Variants in STON2 observed in about 807,000 individuals in gnomAD.
STON2 encodes the protein stonin-2.
In STON2, 29 loss-of-function variants were observed where a neutral mutation model predicts 65.7. The ratio of observed to expected loss-of-function variants is 0.44; its 90% CI spans 0.33 to 0.60. STON2 has a LOEUF of 0.60. STON2 is among the 20% of genes least tolerant of loss of function. The pLI, the probability that STON2 is intolerant of heterozygous loss-of-function variation, is 0.03. For missense variants in STON2, 1,054 were observed against 1,118.1 expected (o/e 0.94, Z 0.82); for synonymous variants, 404 against 414.2 (o/e 0.98, Z 0.30).
chr14:81,281,022 AAAAAGAAAAG>A (rs1218081536), intron 5 of STON2, among the ~76,000 whole-genome samples: 1 of 151,828 alleles, frequency 6.6e-6, no homozygotes, highest in Admixed American at 6.5e-5. Context: ...AAAAAAAAAA[AAAAAGAAAAG>A]AAAAGAAAAT....
chr14:81,347,994 A>T (rs530778592), intron 4 of STON2, among the ~76,000 whole-genome samples: 4 of 151,976 alleles, frequency 2.6e-5, no homozygotes, highest in African/African-American at 7.2e-5. Context: ...AAATATATAC[A>T]TCACATCCAC....
intron 4 of STON2, among the ~76,000 whole-genome samples, chr14:81,329,079 A>G (rs768718161): frequency 3.9e-5 from 6 of 152,202 alleles, no homozygotes; most frequent in Non-Finnish European, 8.8e-5. Flanking sequence ...ATTTGGAAAT[A>G]GGGTGTTTAC....
At chr14:81,377,412 C>G (rs1899304842) in intron 3 of STON2, among the ~76,000 whole-genome samples, 1 of 152,144 alleles carries the variant, frequency 6.6e-6, no homozygotes, top group South Asian at 2.1e-4. Flanking sequence ...CCTTCTTTCT[C>G]CATCAAAGGA....
At chr14:81,430,340 C>A (rs937855084) in intron 1 of STON2, among the ~76,000 whole-genome samples, 1 of 152,238 alleles carries the variant, frequency 6.6e-6, no homozygotes, top group African/African-American at 2.4e-5. Context: ...TAATACTTCT[C>A]TGAATTCCTC....
rs1839510700 is a variant in STON2, at chr14:81,277,029, G to A, written c.2453C>T (p.Ala818Val). ...KSLKAKVNRG[A>V]SFGSTSVSGS... ...AGAAACACTAGTGGAGCCAAAACTTGCCCCCCGGTTCACTTTGGCTTTCAA... is the reference window on the plus strand; with the variant it reads ...AGAAACACTAGTGGAGCCAAAACTTACCCCCCGGTTCACTTTGGCTTTCAA... The change falls in exon 6 of 8, where the codon GCA (alanine) becomes GTA (valine). Residue 818 changes from alanine (A) to valine (V), a missense_variant. Physicochemically the swap from Ala to Val is moderately conservative, Grantham distance 64. Transcript: ENST00000614646. 2 of 1,614,142 alleles carry A rather than the reference G, an allele frequency of 1.2e-6. No homozygotes were observed. The highest frequency in any genetic ancestry group is 1.7e-6 in the Non-Finnish European group (2 of 1,180,026).
chr14:81,422,739 T>G, intron 2 of STON2, among the ~76,000 whole-genome samples: 1 of 152,062 alleles, frequency 6.6e-6, no homozygotes, highest in East Asian at 1.9e-4. Flanking sequence ...CACCTAGTAT[T>G]TCTAGACTTC....
At position 81,262,438 on chromosome 14, in the gene STON2, T is replaced by C. The variant is rs557090192; in HGVS notation, c.*5976A>G. ...TCCTGCCATCTATCCCTTTTTACTA[T>C]GCAATCTTTATTTTTCCTGGAGCTT... On this transcript the variant is annotated 3_prime_UTR_variant, in exon 8 of 8. Coordinates refer to ENST00000614646, the MANE Select transcript of STON2 (RefSeq NM_001394390.1). 3.3e-4 allele frequency: 316 copies of C among 945,734 alleles called. 4 individuals are homozygous for C. The South Asian group carries it at 0.013, about 40-fold the overall frequency. 58.6% of individuals were successfully genotyped at this position (945,734 alleles called of 1,614,324 possible). A position where few individuals can be genotyped will look rare whatever the true frequency, so the allele number is the denominator to read the frequency against.
chr14:81,290,725 C>T (rs1387592861), intron 5 of STON2, among the ~76,000 whole-genome samples: 1 of 152,126 alleles, frequency 6.6e-6, no homozygotes, highest in Non-Finnish European at 1.5e-5. Context: ...ACACTGACAA[C>T]AAAATAACCA....
rs1208466134 is a variant in STON2 at position 81,334,732 on chromosome 14, G to C, written c.572-10545C>G. Among the ~76,000 whole-genome samples, 7 of 152,294 alleles carry C rather than the reference G, an allele frequency of 4.6e-5. No homozygotes were observed. In the East Asian group the frequency reaches 1.4e-3, roughly 29 times the overall value. On this transcript the variant is annotated intron_variant, in intron 4 of 7. Transcript: ENST00000614646. ...TCCCAAGGCAGAAATAGGGCAGAAGGGTGACTGGGAAAGAGCAAGACAGGG... is the reference window on the plus strand; with the variant it reads ...TCCCAAGGCAGAAATAGGGCAGAAGCGTGACTGGGAAAGAGCAAGACAGGG...
chr14:81,273,523 G>C (rs1894680520), intron 6 of STON2, among the ~76,000 whole-genome samples: 1 of 152,206 alleles, frequency 6.6e-6, no homozygotes, highest in Non-Finnish European at 1.5e-5. Flanking sequence ...AGCAGGACTT[G>C]TTTCGGTGCC....
chr14:81,430,714 T>C (rs916252424), intron 1 of STON2, among the ~76,000 whole-genome samples: 6 of 152,214 alleles, frequency 3.9e-5, no homozygotes, highest in African/African-American at 1.4e-4. Context: ...CTGAAAGTGC[T>C]AGAGATGTGA....
At position 81,278,593 on chromosome 14, in the gene STON2, C is replaced by T; in HGVS notation, c.889G>A (p.Val297Ile). 3 of 1,602,692 alleles carry T rather than the reference C, an allele frequency of 1.9e-6. No individual in the cohort carries two copies. The highest frequency in any genetic ancestry group is 2.3e-5 in the South Asian group (2 of 88,846). ...GTGACTGGTGGTAAAGGGCAGCTGA[C>T]TTCATTGTCATCAAAGGTGACCCAG... is the stretch of plus-strand genomic sequence containing the variant. ...PSWVTFDDNE[V>I]SCPLPPVTSP... Residue 297 changes from valine to isoleucine, a missense_variant, in exon 6 of 8, where the codon GTC (valine) becomes ATC (isoleucine). Coordinates refer to ENST00000614646, the MANE Select transcript of STON2 (RefSeq NM_001394390.1).
At chr14:81,428,915 T>G (rs1902110956) in intron 1 of STON2, among the ~76,000 whole-genome samples, 1 of 152,198 alleles carries the variant, frequency 6.6e-6, no homozygotes, top group South Asian at 2.1e-4. Context: ...AAAGTTCAGG[T>G]AGATAGAAAG....
At chr14:81,294,872 G>A (rs1307428915) in intron 5 of STON2, among the ~76,000 whole-genome samples, 2 of 152,210 alleles carry the variant, frequency 1.3e-5, no homozygotes, top group African/African-American at 4.8e-5. Context: ...AATAACACAT[G>A]TGAACATGCT....
At chr14:81,315,260 C>G (rs926112663) in intron 5 of STON2, among the ~76,000 whole-genome samples, 1 of 152,174 alleles carries the variant, frequency 6.6e-6, no homozygotes, top group Admixed American at 6.5e-5. Flanking sequence ...GTTTAGAAGA[C>G]AGAAAAAGAT....
chr14:81,295,775 T>A (rs1459205729), intron 5 of STON2, among the ~76,000 whole-genome samples: 2 of 152,232 alleles, frequency 1.3e-5, no homozygotes, highest in African/African-American at 4.8e-5. Flanking sequence ...GTCACCAAGT[T>A]CTAAAATAAA....
Position 81,277,162 on chromosome 14 carries a change from G to A in STON2, c.2320C>T (p.Arg774Cys), listed in dbSNP as rs377318610. ...CAGGGAACCTGAGTGAGGGGGTCAC[G>A]ATTGGCGGAGAAGCCAGTTGACATC... is the stretch of plus-strand genomic sequence containing the variant. ...LRMSTGFSANRDPLTQVPCEN... is the reference protein window; with the variant it reads ...LRMSTGFSANCDPLTQVPCEN... The change falls in exon 6 of 8, where the codon CGT becomes TGT. Residue 774 changes from arginine (R) to cysteine (C), a missense_variant. By Grantham distance (180) the Arg-to-Cys change is radical. Coordinates refer to ENST00000614646, the MANE Select transcript of STON2 (RefSeq NM_001394390.1). 1.2e-5 allele frequency: 19 copies of A among 1,614,090 alleles called. No homozygotes were observed. Among genetic ancestry groups the A allele is most frequent in the Admixed American group, 1.0e-4 (6 of 60,008 alleles).
At chr14:81,340,452 C>T (rs1423954024) in intron 4 of STON2, among the ~76,000 whole-genome samples, 1 of 152,194 alleles carries the variant, frequency 6.6e-6, no homozygotes, top group African/African-American at 2.4e-5. Flanking sequence ...GAGAGAAACA[C>T]AATGGCTCTA....
chr14:81,324,288 A>T (rs1226406821), intron 4 of STON2, among the ~76,000 whole-genome samples, 101 bp from the exon 5 acceptor site: 2 of 152,246 alleles, frequency 1.3e-5, no homozygotes, highest in Non-Finnish European at 2.9e-5. Context: ...CCAGGCGCAG[A>T]CAGGAGAGTC....
Sources: gnomAD v4.1 joint callset for allele counts (sites outside exome capture counted in the v4.1 genomes callset) on GRCh38, gnomAD v4.1.1 for gene constraint, MANE v1.5 for transcripts, NCBI Gene and HGNC (gene_info 2026-07-23, HGNC 2026-07-21) for gene names.